MYO9B: variants seen among roughly 807,000 people sequenced by gnomAD.
MYO9B encodes the protein unconventional myosin-IXb.
A neutral mutation model predicts 229.5 loss-of-function variants in MYO9B; 71 were observed. That is an observed-to-expected ratio of 0.31 (90% CI 0.26 to 0.38). The LOEUF (loss-of-function observed/expected upper bound fraction) is 0.38. Among genes scored for constraint, MYO9B ranks in the 10% least tolerant of loss-of-function variants. MYO9B has a pLI of 1.00. For missense variants in MYO9B, 2,255 were observed against 2,920.5 expected (o/e 0.77, Z 5.25); for synonymous variants, 1,185 against 1,235.8 (o/e 0.96, Z 0.86).
intron 28 of MYO9B, 148 bp downstream of exon 28, chr19:17,202,451 G>C: frequency 2.4e-6 from 2 of 834,350 alleles, no homozygotes; most frequent in Non-Finnish European, 3.7e-6. Flanking sequence ...GCCATGACTT[G>C]ATCCACTTAT....
intron 1 of MYO9B, among the ~76,000 whole-genome samples, chr19:17,092,616 A>T (rs573093175): frequency 6.6e-6 from 1 of 151,438 alleles, no homozygotes; most frequent in Non-Finnish European, 1.5e-5. Context: ...TCCCAGCTAC[A>T]TGGGAGGCTG....
intron 8 of MYO9B, 38 bp downstream of exon 8, chr19:17,159,522 CA>C: frequency 1.3e-6 from 2 of 1,550,086 alleles, no homozygotes; most frequent in Non-Finnish European, 1.8e-6. Flanking sequence ...TGCCAGATCC[CA>C]AAAACCAAGT....
At position 17,102,655 on chromosome 19, in the gene MYO9B, C is replaced by T. The variant is rs1014901677; in HGVS notation, c.840+98C>T. The T allele has an allele frequency of 9.1e-6, 13 of 1,426,744 alleles. 1 individual carries two copies. The African/African-American group carries it at 1.7e-4, about 19-fold the overall frequency. The allele number at this position is 1,426,744 out of a possible 1,614,324, so 88.4% of individuals were successfully genotyped here. A position where few individuals can be genotyped will look rare whatever the true frequency, so the allele number is the denominator to read the frequency against. On this transcript the variant is annotated intron_variant, in intron 2 of 39. Coordinates refer to ENST00000682292, the MANE Select transcript of MYO9B (RefSeq NM_004145.4). The stretch of plus-strand genomic sequence containing the variant: ...GTGGCCCACATCTATAATCCCAATG[C>T]TTTGGAAGGCTGAGGGAGGAGGATT...
chr19:17,143,793 C>T (rs1015486807), intron 2 of MYO9B, among the ~76,000 whole-genome samples: 3 of 152,270 alleles, frequency 2.0e-5, no homozygotes, highest in South Asian at 2.1e-4. Context: ...TGGTGGCACA[C>T]GCCTGTATTC....
intron 10 of MYO9B, 109 bp downstream of exon 10, chr19:17,163,231 A>G: frequency 8.2e-7 from 1 of 1,222,572 alleles, no homozygotes; most frequent in Non-Finnish European, 1.1e-6. Context: ...CGGTAAGTAC[A>G]TTCACATATT....
intron 6 of MYO9B, among the ~76,000 whole-genome samples, chr19:17,155,340 C>T (rs1262073461): frequency 6.6e-6 from 1 of 152,014 alleles, no homozygotes; most frequent in African/African-American, 2.4e-5. Context: ...AGGCGCGTGC[C>T]ACCACACCTG....
At chr19:17,153,750 T>C (rs1401117180) in intron 4 of MYO9B, among the ~76,000 whole-genome samples, 1 of 151,576 alleles carries the variant, frequency 6.6e-6, no homozygotes, top group Non-Finnish European at 1.5e-5. Context: ...ATAAGTGAGA[T>C]GTACACCCAC....
intron 1 of MYO9B, among the ~76,000 whole-genome samples, chr19:17,094,034 T>C (rs915083422): frequency 6.6e-6 from 1 of 151,028 alleles, no homozygotes; most frequent in Non-Finnish European, 1.5e-5. Context: ...GTTGTTGTTG[T>C]TGTTGTTGTT....
chr19:17,183,843 TCAAA>T lies in MYO9B; in HGVS notation c.2353_2356del (p.Gln785SerfsTer14). 1 of 1,573,910 alleles carries T rather than the reference TCAAA, an allele frequency of 6.4e-7. No individual in the cohort carries two copies. The highest frequency in any genetic ancestry group is 8.6e-7 in the Non-Finnish European group (1 of 1,162,724). ...TATTTTGACAGGAAAAGTAAAGGTA[TCAAA>T]CAAAAGCAGATCATTCCAAAGGTAA... On this transcript the variant is annotated frameshift_variant, in exon 16 of 40. Coordinates refer to ENST00000682292, the MANE Select transcript of MYO9B (RefSeq NM_004145.4). LOFTEE classifies it high-confidence loss of function.
rs918327906 is a variant in MYO9B at position 17,195,260 on chromosome 19, C to T, written c.3833C>T (p.Pro1278Leu). Residue 1278 changes from proline (P) to leucine (L), a missense_variant, in exon 22 of 40, where the codon CCA becomes CTA. Transcript: ENST00000682292. The surrounding 1 kb of genome is among the most constrained non-coding windows in gnomAD (Gnocchi z 4.5). ...GAGACCCCCGAGGACAAGAGCAAAC[C>T]ATGTGGCAGCCCAAGGGTTCAGGAA... ...APETPEDKSK[P>L]CGSPRVQEKP... 5.0e-6 allele frequency: 8 copies of T among 1,612,414 alleles called. No individual in the cohort carries two copies. Among genetic ancestry groups the T allele is most frequent in the Middle Eastern group, 1.6e-4 (1 of 6,084 alleles).
chr19:17,202,397 T>G, intron 28 of MYO9B, 94 bp downstream of exon 28: 13 of 1,268,792 alleles, frequency 1.0e-5, no homozygotes, highest in South Asian at 1.4e-5. Context: ...CTCACCATGC[T>G]TATGCCACAC....
chr19:17,197,981 T>C, intron 23 of MYO9B, 123 bp downstream of exon 23: 10 of 1,393,020 alleles, frequency 7.2e-6, no homozygotes, highest in Non-Finnish European at 9.8e-6. Flanking sequence ...TTGAACGCAG[T>C]GGCAGGGTAG....
intron 26 of MYO9B, 108 bp downstream of exon 26, chr19:17,200,937 G>A (rs765866922): frequency 7.7e-7 from 1 of 1,291,072 alleles, no homozygotes; most frequent in Non-Finnish European, 1.1e-6. Context: ...AGCAGGTCAA[G>A]AATACAAAGT....
At chr19:17,125,206 G>A (rs904392468) in intron 2 of MYO9B, among the ~76,000 whole-genome samples, 2 of 151,920 alleles carry the variant, frequency 1.3e-5, no homozygotes, top group South Asian at 2.1e-4. Context: ...AGGGCTGAGG[G>A]TGGAGAATCA....
intron 2 of MYO9B, among the ~76,000 whole-genome samples, chr19:17,131,185 T>C (rs971965101): frequency 2.6e-5 from 4 of 152,236 alleles, no homozygotes; most frequent in Admixed American, 1.3e-4. Context: ...ATATTCAGAT[T>C]TGAGCCCAAT....
chr19:17,117,927 C>T (rs2057921446), intron 2 of MYO9B, among the ~76,000 whole-genome samples: 1 of 122,374 alleles, frequency 8.2e-6, no homozygotes, highest in Admixed American at 1.0e-4. Flanking sequence ...GACAGAGCGA[C>T]ACTCTTCCTC....
intron 2 of MYO9B, among the ~76,000 whole-genome samples, chr19:17,130,255 G>T (rs2072177720): frequency 6.6e-6 from 1 of 152,066 alleles, no homozygotes. Context: ...TGAATCACTT[G>T]AGGACTGGAG....
At chr19:17,167,911 A>C in intron 10 of MYO9B, 32 bp from the exon 11 acceptor site, 1 of 1,551,292 alleles carries the variant, frequency 6.4e-7, no homozygotes, top group Non-Finnish European at 8.7e-7. Context: ...CTGGGAGATA[A>C]GAAACTTACC....
intron 2 of MYO9B, among the ~76,000 whole-genome samples, chr19:17,110,722 T>G (rs2057839661): frequency 6.6e-6 from 1 of 152,064 alleles, no homozygotes; most frequent in Non-Finnish European, 1.5e-5. Context: ...CGGCCCACAG[T>G]GGGACACGGT....
Sources: allele counts gnomAD v4.1 joint callset (sites outside exome capture counted in the v4.1 genomes callset), GRCh38; gene constraint gnomAD v4.1.1; non-coding constraint Gnocchi (gnomAD v3.1); transcripts MANE v1.5; gene names NCBI Gene and HGNC (gene_info 2026-07-23, HGNC 2026-07-21).